The following TRIP12 variants were observed in gnomAD, a reference collection of about 807,000 sequenced individuals.
The protein encoded by TRIP12 is thyroid hormone receptor interactor 12, also known as E3 ubiquitin-protein ligase TRIP12.
In TRIP12, 25 loss-of-function variants were observed where a neutral mutation model predicts 244.2. The ratio of observed to expected loss-of-function variants is 0.10; its 90% CI spans 0.07 to 0.14. The LOEUF (loss-of-function observed/expected upper bound fraction) is 0.14. Ranked by LOEUF, TRIP12 falls within the 10% of genes least tolerant of loss-of-function variation. TRIP12 has a pLI of 1.00. For missense variants in TRIP12, 1,677 were observed against 2,486.4 expected (o/e 0.67, Z 6.92); for synonymous variants, 905 against 873.1 (o/e 1.04, Z -0.64).
chr2:229,779,197 A>G (rs544192625), intron 34 of TRIP12, among the ~76,000 whole-genome samples: 2 of 152,374 alleles, frequency 1.3e-5, no homozygotes, highest in South Asian at 2.1e-4. Context: ...CTAGCCGCTA[A>G]GGCCCCAACA....
chr2:229,792,562 A>G (rs1040589119), intron 27 of TRIP12, among the ~76,000 whole-genome samples: 2 of 152,226 alleles, frequency 1.3e-5, no homozygotes, highest in Admixed American at 6.5e-5. Flanking sequence ...ATCAGAAAGC[A>G]AAGTTGTCAG....
At chr2:229,907,782 A>C (rs2073224462) in intron 1 of TRIP12, among the ~76,000 whole-genome samples, 1 of 2,158 alleles carries the variant, frequency 4.6e-4, no homozygotes, top group Non-Finnish European at 0.016. Flanking sequence ...CAGTCTAAAC[A>C]ACAGAGAGAC....
chr2:229,841,893 G>C (rs2056505743), intron 4 of TRIP12, among the ~76,000 whole-genome samples: 1 of 152,196 alleles, frequency 6.6e-6, no homozygotes, highest in Non-Finnish European at 1.5e-5. Flanking sequence ...AGAACTGGGA[G>C]AGAAACAGTA....
intron 8 of TRIP12, among the ~76,000 whole-genome samples, chr2:229,820,068 T>A (rs935108739): frequency 2.6e-5 from 4 of 152,240 alleles, no homozygotes; most frequent in Non-Finnish European, 4.4e-5. Flanking sequence ...GTTTATCACT[T>A]CTGTGTTGAC....
At chr2:229,785,988 C>T in intron 33 of TRIP12, 133 bp from the exon 34 acceptor site, 5 of 710,608 alleles carry the variant, frequency 7.0e-6, no homozygotes, top group South Asian at 2.7e-5. Context: ...AAACAGGTAA[C>T]TCAGAAAAGG....
chr2:229,878,114 ACT>A (rs1486145607), intron 2 of TRIP12, among the ~76,000 whole-genome samples: 2 of 152,104 alleles, frequency 1.3e-5, no homozygotes, highest in African/African-American at 4.8e-5. Flanking sequence ...GTTTCCTGAA[ACT>A]CTTAACAAAA....
At chr2:229,813,315 T>G (rs935242808) in intron 13 of TRIP12, among the ~76,000 whole-genome samples, 1 of 152,168 alleles carries the variant, frequency 6.6e-6, no homozygotes, top group Non-Finnish European at 1.5e-5. Context: ...AGCCATCCCT[T>G]AAAAGTCAAA....
rs1181175289 is a variant in TRIP12, at chr2:229,778,808, A to G, written c.5209+68T>C. ...TGTCCATTAGAAATTAAATATGTCT[A>G]ATAAACTGTCAGAGTCCATTACCTG... On this transcript the variant is annotated intron_variant, in intron 35 of 41. Transcript: ENST00000675903. The surrounding 1 kb of genome is among the most constrained non-coding windows in gnomAD (Gnocchi z 4.1). The G allele has an allele frequency of 6.9e-7, 1 of 1,456,082 alleles. No individual in the cohort carries two copies. The highest frequency in any genetic ancestry group is 1.8e-5 in the Admixed American group (1 of 56,248). The allele number at this position is 1,456,082 out of a possible 1,614,324, so 90.2% of individuals were successfully genotyped here. A position where few individuals can be genotyped will look rare whatever the true frequency, so the allele number is the denominator to read the frequency against.
In TRIP12 at chr2:229,814,330, G is replaced by A; in HGVS notation, c.1732-5C>T. ...AATACACTGAATAACTTGCAGCTGG[G>A]AACATATATATAGTTACCATAAGGT... is the stretch of plus-strand genomic sequence containing the variant. On this transcript the variant is annotated splice_polypyrimidine_tract_variant and splice_region_variant and intron_variant, in intron 11 of 41. Coordinates refer to ENST00000675903, the MANE Select transcript of TRIP12 (RefSeq NM_001348323.3). 1 of 1,612,618 alleles carries A rather than the reference G, an allele frequency of 6.2e-7. No homozygotes were observed. The highest frequency in any genetic ancestry group is 1.1e-5 in the South Asian group (1 of 90,984).
At chr2:229,874,592 T>C (rs1028389426) in intron 2 of TRIP12, among the ~76,000 whole-genome samples, 1 of 152,098 alleles carries the variant, frequency 6.6e-6, no homozygotes, top group African/African-American at 2.4e-5. Context: ...TGTTACAGAA[T>C]TCCAGAAAAT....
chr2:229,821,439 T>G (rs180792574), intron 8 of TRIP12, among the ~76,000 whole-genome samples: 6 of 152,278 alleles, frequency 3.9e-5, no homozygotes, highest in Non-Finnish European at 7.4e-5. Flanking sequence ...AAGGGAGAGA[T>G]AGCAATTATT....
intron 17 of TRIP12, 62 bp from the exon 18 acceptor site, chr2:229,805,945 C>A: frequency 3.0e-6 from 4 of 1,316,480 alleles, no homozygotes; most frequent in Non-Finnish European, 4.1e-6. Context: ...CCTTAAGACA[C>A]AGTGGGGACC....
At chr2:229,786,171 A>G (rs2039935777) in intron 33 of TRIP12, among the ~76,000 whole-genome samples, 1 of 152,182 alleles carries the variant, frequency 6.6e-6, no homozygotes, top group Admixed American at 6.5e-5. Context: ...TCAGGGCTGC[A>G]GTTTCATGAA....
chr2:229,920,959 T>G (rs919652746), intron 1 of TRIP12, among the ~76,000 whole-genome samples: 1 of 152,186 alleles, frequency 6.6e-6, no homozygotes, highest in Non-Finnish European at 1.5e-5. Flanking sequence ...AATCCACATA[T>G]AAATAAATTA....
intron 36 of TRIP12, among the ~76,000 whole-genome samples, 198 bp from the exon 37 acceptor site, chr2:229,777,677 G>A (rs556266880): frequency 6.6e-6 from 1 of 152,168 alleles, no homozygotes; most frequent in Non-Finnish European, 1.5e-5. Flanking sequence ...CATTTCCACT[G>A]TAGTCTGTAT....
chr2:229,867,101 T>TG (rs2061636608), intron 2 of TRIP12, among the ~76,000 whole-genome samples: 1 of 151,062 alleles, frequency 6.6e-6, no homozygotes, highest in East Asian at 1.9e-4. Flanking sequence ...TAGAGGGTTT[T>TG]TTTTTTTGTT....
chr2:229,922,493 C>T (rs377607027), upstream of TRIP12: 167 of 1,613,092 alleles, frequency 1.0e-4, no homozygotes, highest in Non-Finnish European at 1.3e-4. Flanking sequence ...GTTGTCTTAG[C>T]GACGGCGGTG....
At chr2:229,810,828 A>AT in intron 15 of TRIP12, 52 bp downstream of exon 15, 1 of 1,579,270 alleles carries the variant, frequency 6.3e-7, no homozygotes, top group Non-Finnish European at 8.6e-7. Context: ...TTTACATATT[A>AT]ATGAAGAACC....
intron 1 of TRIP12, among the ~76,000 whole-genome samples, chr2:229,891,716 T>C (rs1421743399): frequency 2.0e-5 from 3 of 152,246 alleles, no homozygotes; most frequent in African/African-American, 4.8e-5. Flanking sequence ...CGCTATTGTT[T>C]TGGTATCATT....
Sources: allele counts gnomAD v4.1 joint callset (sites outside exome capture counted in the v4.1 genomes callset), GRCh38; gene constraint gnomAD v4.1.1; non-coding constraint Gnocchi (gnomAD v3.1); transcripts MANE v1.5; gene names NCBI Gene and HGNC (gene_info 2026-07-23, HGNC 2026-07-21).